ESR1: variants seen among roughly 807,000 people sequenced by gnomAD.
The protein encoded by ESR1 is estrogen receptor.
In ESR1, 12 loss-of-function variants were observed where a neutral mutation model predicts 52.7. The observed-to-expected ratio is 0.23, with a 90% CI of 0.15 to 0.37. ESR1 has a LOEUF of 0.37. ESR1 is among the 10% of genes least tolerant of loss of function. The pLI is 1.00. For missense variants in ESR1, 584 were observed against 779.7 expected (o/e 0.75, Z 2.99); for synonymous variants, 305 against 316.8 (o/e 0.96, Z 0.39).
intron 1 of ESR1, among the ~76,000 whole-genome samples, chr6:151,838,825 C>A (rs1350457593): frequency 6.6e-6 from 1 of 152,040 alleles, no homozygotes; most frequent in Non-Finnish European, 1.5e-5. Flanking sequence ...TTTCTATGCC[C>A]AAAGTCTGCA....
At chr6:151,888,820 T>C (rs1244242017) in intron 3 of ESR1, among the ~76,000 whole-genome samples, 1 of 152,018 alleles carries the variant, frequency 6.6e-6, no homozygotes, top group Non-Finnish European at 1.5e-5. Flanking sequence ...ATATATGGCC[T>C]TTATTGTGTT....
At chr6:151,883,460 C>T (rs1265470688) in intron 3 of ESR1, among the ~76,000 whole-genome samples, 2 of 151,800 alleles carry the variant, frequency 1.3e-5, no homozygotes, top group African/African-American at 2.4e-5. Context: ...TGTGGCTAGC[C>T]GTCTTCTGCC....
intron 4 of ESR1, among the ~76,000 whole-genome samples, chr6:152,011,336 T>A (rs573017989): frequency 2.5e-4 from 38 of 152,256 alleles, no homozygotes; most frequent in African/African-American, 8.7e-4. Flanking sequence ...CAGGTTACTA[T>A]TATAGCTGTC....
intron 4 of ESR1, among the ~76,000 whole-genome samples, chr6:151,961,697 T>G (rs1485886386): frequency 6.6e-6 from 1 of 152,128 alleles, no homozygotes; most frequent in Admixed American, 6.5e-5. Context: ...TGGGAGCAAG[T>G]TCATCAGCTG....
chr6:151,813,020 A>G (rs1779058265), intron 1 of ESR1, among the ~76,000 whole-genome samples: 1 of 152,048 alleles, frequency 6.6e-6, no homozygotes, highest in South Asian at 2.1e-4. Flanking sequence ...TCTAAAATAT[A>G]CTCATACTGA....
chr6:152,033,569 A>T (rs1315889191), intron 5 of ESR1, among the ~76,000 whole-genome samples: 3 of 152,238 alleles, frequency 2.0e-5, no homozygotes, highest in Admixed American at 6.5e-5. Flanking sequence ...GCCATCAGAG[A>T]AATGCAAATC....
In ESR1 at chr6:152,115,624, AAAGAACTATATG is replaced by A. The variant is rs140084381; in HGVS notation, c.851-9638_851-9627del. 6.0e-3 allele frequency among the ~76,000 whole-genome samples: 919 copies of A among 152,370 alleles called. 8 individuals are homozygous for A. The highest frequency in any genetic ancestry group is 0.021 in the African/African-American group (873 of 41,586). On this transcript the variant is annotated intron_variant, in intron 6 of 6. Transcript: ENST00000427531. ...AAAAATGAAACTTTCTGTGTGACTG[AAAGAACTATATG>A]AAGTCAGGACACTTCATATCCAGAT...
chr6:152,109,800 G>GAAC (rs1214377136), intron 6 of ESR1, among the ~76,000 whole-genome samples: 1 of 152,212 alleles, frequency 6.6e-6, no homozygotes, highest in Non-Finnish European at 1.5e-5. Context: ...CTTTCTAACA[G>GAAC]AACTGCCTAT....
chr6:152,082,044 C>T (rs1312807630), intron 6 of ESR1, among the ~76,000 whole-genome samples: 1 of 152,204 alleles, frequency 6.6e-6, no homozygotes, highest in East Asian at 1.9e-4. Context: ...CAAAGAGGAG[C>T]TGGTACCATT....
intron 2 of ESR1, among the ~76,000 whole-genome samples, chr6:151,781,250 C>T (rs948842623): frequency 5.9e-5 from 9 of 152,260 alleles, no homozygotes; most frequent in Admixed American, 2.6e-4. Context: ...TATTGGCTCA[C>T]GATTCTGGAG....
At chr6:152,085,535 G>A (rs2049634889) in intron 6 of ESR1, among the ~76,000 whole-genome samples, 1 of 152,012 alleles carries the variant, frequency 6.6e-6, no homozygotes, top group Non-Finnish European at 1.5e-5. Context: ...AGAGTTATGG[G>A]CTGGAACCAC....
chr6:151,848,492 T>TA (rs200102676), intron 2 of ESR1, among the ~76,000 whole-genome samples: 8,889 of 128,696 alleles, frequency 0.069, 526 homozygotes, highest in African/African-American at 0.17. Flanking sequence ...AAAAAAAAAT[T>TA]TAAAAAAAAA....
At position 152,099,424 on chromosome 6, in the gene ESR1, C is replaced by T; in HGVS notation, c.*458C>T. ...CCTTTAATTGGTGACTTGGAGAAAGCTAGGTCAAGGGTTTATTATAGCACC... is the reference window on the plus strand; with the variant it reads ...CCTTTAATTGGTGACTTGGAGAAAGTTAGGTCAAGGGTTTATTATAGCACC... On this transcript the variant is annotated 3_prime_UTR_variant, in exon 8 of 8. Coordinates refer to ENST00000206249, the MANE Select transcript of ESR1 (RefSeq NM_000125.4). The T allele has an allele frequency of 3.1e-6, 1 of 320,532 alleles. No individual in the cohort carries two copies. The highest frequency in any genetic ancestry group is 5.9e-6 in the Non-Finnish European group (1 of 170,294). The allele number at this position is 320,532 out of a possible 1,614,324, so 19.9% of individuals were successfully genotyped here. A position where few individuals can be genotyped will look rare whatever the true frequency, so the allele number is the denominator to read the frequency against.
intron 2 of ESR1, among the ~76,000 whole-genome samples, chr6:151,740,285 A>ATTTTTTTTTT (rs386408967): frequency 4.0e-3 from 427 of 107,878 alleles, no homozygotes; most frequent in African/African-American, 8.1e-3. Context: ...TGCCTGGCTA[A>ATTTTTTTTTT]TTTTTTTTTT....
chr6:151,809,275 G>A (rs1778412695), intron 1 of ESR1: 1 of 381,226 alleles, frequency 2.6e-6, no homozygotes, highest in Admixed American at 3.1e-5. Flanking sequence ...GGCGAAGGTT[G>A]TGTGTCCTCA....
intron 2 of ESR1, among the ~76,000 whole-genome samples, chr6:151,852,674 T>C (rs1340706811): frequency 1.3e-5 from 2 of 148,924 alleles, no homozygotes; most frequent in Non-Finnish European, 3.0e-5. Flanking sequence ...ATTTATACTG[T>C]GGCAGTTCAT....
chr6:151,890,089 CTTT>C (rs769048933), intron 3 of ESR1, among the ~76,000 whole-genome samples: 2 of 140,748 alleles, frequency 1.4e-5, no homozygotes. Context: ...TGTTTTTTTT[CTTT>C]TTTTTTTTTT....
chr6:151,997,099 A>G (rs1397340991), intron 4 of ESR1, among the ~76,000 whole-genome samples: 1 of 152,040 alleles, frequency 6.6e-6, no homozygotes, highest in Non-Finnish European at 1.5e-5. Flanking sequence ...AAACAAAGCA[A>G]CACAAAACAA....
chr6:151,844,623 T>C (rs1784821948), intron 2 of ESR1, among the ~76,000 whole-genome samples: 1 of 152,246 alleles, frequency 6.6e-6, no homozygotes, highest in Non-Finnish European at 1.5e-5. Flanking sequence ...AATAAAACTT[T>C]ATTTATCAGA....
Sources: gnomAD v4.1 joint callset for allele counts (sites outside exome capture counted in the v4.1 genomes callset) on GRCh38, gnomAD v4.1.1 for gene constraint, MANE v1.5 for transcripts, NCBI Gene and HGNC (gene_info 2026-07-23, HGNC 2026-07-21) for gene names.